The following NT5C2 variants were observed in gnomAD, a reference collection of about 807,000 sequenced individuals.
NT5C2 encodes the protein cytosolic purine 5'-nucleotidase.
A neutral mutation model predicts 76.1 loss-of-function variants in NT5C2; 58 were observed. The observed-to-expected ratio is 0.76, with a 90% CI of 0.62 to 0.95. NT5C2 has a LOEUF of 0.95. Ranked by LOEUF, NT5C2 falls within the 40% of genes least tolerant of loss-of-function variation. The pLI is 0.00. For synonymous variants in NT5C2, 229 were observed against 237.4 expected (o/e 0.96, Z 0.32); for missense variants, 478 against 690.3 (o/e 0.69, Z 3.45).
intron 10 of NT5C2, 68 bp downstream of exon 10, chr10:103,098,863 T>C: frequency 9.3e-7 from 1 of 1,074,560 alleles, no homozygotes; most frequent in Non-Finnish European, 1.4e-6. Context: ...ATAAATCAGC[T>C]TGTTATTAAT....
intron 1 of NT5C2, among the ~76,000 whole-genome samples, chr10:103,191,777 C>T (rs1048308783): frequency 1.4e-5 from 2 of 145,534 alleles, no homozygotes; most frequent in African/African-American, 5.0e-5. Context: ...AATCCTAAAA[C>T]CTTAATTCTG....
intron 1 of NT5C2, among the ~76,000 whole-genome samples, chr10:103,185,665 G>GAAAA (rs75386040): frequency 1.7e-5 from 2 of 116,416 alleles, no homozygotes; most frequent in Admixed American, 8.6e-5. Flanking sequence ...AAAAAAAAAG[G>GAAAA]AAAAAAAAAA....
chr10:103,103,451 TTCCC>T (rs1366249509), intron 6 of NT5C2, among the ~76,000 whole-genome samples: 1 of 152,196 alleles, frequency 6.6e-6, no homozygotes, highest in Non-Finnish European at 1.5e-5. Context: ...TACTTCCCTA[TTCCC>T]TCCATCATTA....
chr10:103,103,963 C>G (rs2070483619), intron 6 of NT5C2, among the ~76,000 whole-genome samples: 1 of 152,220 alleles, frequency 6.6e-6, no homozygotes, highest in Admixed American at 6.5e-5. Flanking sequence ...AAGCACTCCT[C>G]CTGCCTCAGT....
chr10:103,153,104 AAAC>A (rs1189209614), intron 3 of NT5C2, among the ~76,000 whole-genome samples: 6 of 152,220 alleles, frequency 3.9e-5, no homozygotes, highest in Non-Finnish European at 7.4e-5. Context: ...CTGTCTTTCA[AAAC>A]AACAATAGCA....
At chr10:103,169,559 T>C (rs1188068929) in intron 3 of NT5C2, 1 of 152,188 alleles carries the variant, frequency 6.6e-6, no homozygotes, top group Non-Finnish European at 1.5e-5. Flanking sequence ...GTTAAGGCTA[T>C]AGTGAGCCAT....
chr10:103,134,918 G>A (rs2078899757), intron 4 of NT5C2, among the ~76,000 whole-genome samples: 1 of 152,210 alleles, frequency 6.6e-6, no homozygotes. Flanking sequence ...TGCCCCACTG[G>A]ATTTCAAACT....
At chr10:103,148,085 T>C (rs987126711) in intron 3 of NT5C2, among the ~76,000 whole-genome samples, 1 of 152,180 alleles carries the variant, frequency 6.6e-6, no homozygotes, top group African/African-American at 2.4e-5. Context: ...AAAAGTATTA[T>C]AGGTAAGAAC....
At chr10:103,131,953 A>C (rs182452974) in intron 4 of NT5C2, among the ~76,000 whole-genome samples, 1 of 152,100 alleles carries the variant, frequency 6.6e-6, no homozygotes, top group East Asian at 1.9e-4. Flanking sequence ...TTTTTAAAAA[A>C]GTATTGGCCA....
At chr10:103,133,996 G>A (rs2078720634) in intron 4 of NT5C2, among the ~76,000 whole-genome samples, 2 of 152,136 alleles carry the variant, frequency 1.3e-5, no homozygotes, top group Non-Finnish European at 2.9e-5. Context: ...GGTATCTGAT[G>A]GAAGAAATTT....
intron 2 of NT5C2, among the ~76,000 whole-genome samples, chr10:103,180,815 A>T (rs534773048): frequency 2.0e-4 from 31 of 152,290 alleles, no homozygotes; most frequent in African/African-American, 7.2e-4. Flanking sequence ...GTAAATGGAT[A>T]AAAAAAATTA....
chr10:103,126,743 G>C (rs544547669), intron 4 of NT5C2, among the ~76,000 whole-genome samples: 1 of 152,134 alleles, frequency 6.6e-6, no homozygotes, highest in African/African-American at 2.4e-5. Context: ...ATCTGTACTC[G>C]ACAGACAAAC....
intron 1 of NT5C2, among the ~76,000 whole-genome samples, chr10:103,185,297 G>A (rs1035397893): frequency 1.3e-5 from 2 of 151,584 alleles, no homozygotes; most frequent in Admixed American, 6.6e-5. Context: ...ACATTCAGAC[G>A]ATATATAATA....
intron 10 of NT5C2, chr10:103,097,861 G>A (rs1000710400): frequency 7.1e-5 from 26 of 367,556 alleles, no homozygotes; most frequent in Non-Finnish European, 6.2e-5. Flanking sequence ...CCACACCCAC[G>A]TGCGCTTAAA....
intron 3 of NT5C2, among the ~76,000 whole-genome samples, chr10:103,160,989 C>T (rs905314435): frequency 2.6e-5 from 4 of 151,708 alleles, no homozygotes; most frequent in African/African-American, 7.3e-5. Flanking sequence ...TCCAGCCTGG[C>T]GACAGCAAGA....
intron 2 of NT5C2, among the ~76,000 whole-genome samples, chr10:103,179,309 T>C (rs1297581364): frequency 6.6e-6 from 1 of 152,138 alleles, no homozygotes; most frequent in East Asian, 1.9e-4. Flanking sequence ...AAATTCTTTA[T>C]TACATCAGAT....
chr10:103,123,282 A>G (rs2076041223), intron 4 of NT5C2, among the ~76,000 whole-genome samples: 1 of 151,478 alleles, frequency 6.6e-6, no homozygotes, highest in African/African-American at 2.4e-5. Context: ...ACTACCACAC[A>G]CTGCTAATAT....
At chr10:103,151,433 C>T (rs1428227868) in intron 3 of NT5C2, among the ~76,000 whole-genome samples, 1 of 150,306 alleles carries the variant, frequency 6.7e-6, no homozygotes, top group Non-Finnish European at 1.5e-5. Context: ...CACTGCACTC[C>T]AGCCTGGGCA....
chr10:103,124,654 C>A (rs1163289028), intron 4 of NT5C2, among the ~76,000 whole-genome samples: 2 of 151,950 alleles, frequency 1.3e-5, no homozygotes, highest in African/African-American at 4.8e-5. Flanking sequence ...GCCCCTCCCC[C>A]CACCTTTTAA....
Sources: gnomAD v4.1 joint callset for allele counts (sites outside exome capture counted in the v4.1 genomes callset) on GRCh38, gnomAD v4.1.1 for gene constraint, MANE v1.5 for transcripts, NCBI Gene and HGNC (gene_info 2026-07-23, HGNC 2026-07-21) for gene names.